The following NRG1 variants were observed in gnomAD, a reference collection of about 807,000 sequenced individuals.
The protein encoded by NRG1 is neuregulin 1, also known as pro-neuregulin-1, membrane-bound isoform.
A neutral mutation model predicts 63.8 loss-of-function variants in NRG1; 18 were observed. The ratio of observed to expected loss-of-function variants is 0.28; its 90% CI spans 0.19 to 0.42. The LOEUF is 0.42. Among genes scored for constraint, NRG1 ranks in the 10% least tolerant of loss-of-function variants. The pLI is 1.00. For synonymous variants in NRG1, 302 were observed against 301.3 expected (o/e 1.00, Z -0.02); for missense variants, 762 against 814.7 (o/e 0.94, Z 0.79).
rs576088548 is a variant in NRG1, at chr8:32,595,306, C to T, written c.101-522C>T. Among the ~76,000 whole-genome samples, 59 of 152,218 alleles carry T rather than the reference C, an allele frequency of 3.9e-4. 1 individual carries two copies. Among genetic ancestry groups the T allele is most frequent in the African/African-American group, 1.3e-3 (53 of 41,526 alleles). On this transcript the variant is annotated intron_variant, in intron 1 of 11. Transcript: ENST00000356819. ...CTGGGCTCAGGTGGTCCTTCCCCCT[C>T]AGCCTCCCAGGTAGCCGGGACTACA... is the stretch of plus-strand genomic sequence containing the variant.
downstream of NRG1, among the ~76,000 whole-genome samples, chr8:32,768,362 T>A (rs1391440378): frequency 6.6e-6 from 1 of 152,092 alleles, no homozygotes; most frequent in Non-Finnish European, 1.5e-5. Context: ...TAACGAAAAA[T>A]GCTCTCATGG....
intron 1 of NRG1, among the ~76,000 whole-genome samples, chr8:32,592,257 G>A (rs186905917): frequency 6.9e-4 from 105 of 152,112 alleles, no homozygotes; most frequent in East Asian, 2.5e-3. Flanking sequence ...ATTCCTTTGC[G>A]TAACCACAAC....
chr8:32,385,690 C>G (rs965365357), intron 1 of NRG1, among the ~76,000 whole-genome samples: 4 of 152,110 alleles, frequency 2.6e-5, no homozygotes, highest in African/African-American at 9.7e-5. Context: ...TTAAACCAGT[C>G]AAGAGAAACC....
chr8:31,873,856 C>T (rs1324294469), intron 1 of NRG1, among the ~76,000 whole-genome samples: 2 of 152,200 alleles, frequency 1.3e-5, no homozygotes, highest in African/African-American at 4.8e-5. Context: ...ATAGCACAGT[C>T]TACCTATGTT....
chr8:31,653,034 C>A (rs796081992), intron 1 of NRG1, among the ~76,000 whole-genome samples: 1 of 104,356 alleles, frequency 9.6e-6, no homozygotes, highest in Non-Finnish European at 2.0e-5. Context: ...CCTTCTCTCC[C>A]CTCCCCTCCT....
chr8:32,109,315 A>G (rs1195729795), intron 1 of NRG1, among the ~76,000 whole-genome samples: 3 of 152,166 alleles, frequency 2.0e-5, no homozygotes, highest in Admixed American at 1.3e-4. Context: ...AGCTCTGGGC[A>G]TGTTCACAGT....
At chr8:31,856,441 C>A (rs925427178) in intron 1 of NRG1, among the ~76,000 whole-genome samples, 1 of 152,152 alleles carries the variant, frequency 6.6e-6, no homozygotes, top group Non-Finnish European at 1.5e-5. Context: ...ACGTAGTTCT[C>A]GAGCCTTGGT....
At chr8:31,769,744 G>A (rs1818429927) in intron 1 of NRG1, among the ~76,000 whole-genome samples, 1 of 152,034 alleles carries the variant, frequency 6.6e-6, no homozygotes, top group Admixed American at 6.6e-5. Flanking sequence ...GCTGAGAGTG[G>A]GGATTATCAG....
chr8:32,238,514 C>T (rs1039749919), intron 1 of NRG1, among the ~76,000 whole-genome samples: 1 of 151,084 alleles, frequency 6.6e-6, no homozygotes, highest in Non-Finnish European at 1.5e-5. Context: ...CACCATATTA[C>T]AGAAGTATCA....
At chr8:31,807,287 C>G (rs1159909299) in intron 1 of NRG1, among the ~76,000 whole-genome samples, 1 of 152,080 alleles carries the variant, frequency 6.6e-6, no homozygotes, top group Non-Finnish European at 1.5e-5. Flanking sequence ...TGAATGTGAC[C>G]CTTATATGAA....
chr8:31,877,186 A>C (rs1185992439), intron 1 of NRG1, among the ~76,000 whole-genome samples: 1 of 152,214 alleles, frequency 6.6e-6, no homozygotes, highest in African/African-American at 2.4e-5. Flanking sequence ...ATAATTTCAA[A>C]GTTGATGGCC....
chr8:32,467,276 G>T (rs1424403491), intron 1 of NRG1, among the ~76,000 whole-genome samples: 2 of 152,096 alleles, frequency 1.3e-5, no homozygotes, highest in Non-Finnish European at 2.9e-5. Context: ...CAGTTATTTG[G>T]CAAAGTGATT....
chr8:32,517,780 G>A (rs1829974334), intron 1 of NRG1, among the ~76,000 whole-genome samples: 1 of 152,120 alleles, frequency 6.6e-6, no homozygotes, highest in African/African-American at 2.4e-5. Context: ...GGTCATTTGA[G>A]TGCTAAGACA....
At chr8:31,842,206 AC>A (rs1025856565) in intron 1 of NRG1, among the ~76,000 whole-genome samples, 5 of 152,172 alleles carry the variant, frequency 3.3e-5, no homozygotes, top group Admixed American at 2.0e-4. Flanking sequence ...GTTTTGGTTA[AC>A]CTGGTTTTTA....
At chr8:31,745,549 T>A (rs1397404624) in intron 1 of NRG1, among the ~76,000 whole-genome samples, 1 of 151,950 alleles carries the variant, frequency 6.6e-6, no homozygotes, top group Non-Finnish European at 1.5e-5. Context: ...CAAACTACTT[T>A]ATCCACCCCT....
intron 1 of NRG1, among the ~76,000 whole-genome samples, chr8:32,381,855 A>G (rs1217440963): frequency 1.3e-5 from 2 of 152,238 alleles, no homozygotes; most frequent in African/African-American, 4.8e-5. Flanking sequence ...TTATAACTGA[A>G]AGTTAGTATA....
chr8:32,644,801 C>CTT (rs5890675), intron 5 of NRG1, among the ~76,000 whole-genome samples: 78 of 144,270 alleles, frequency 5.4e-4, no homozygotes, highest in Non-Finnish European at 5.9e-4. Flanking sequence ...TGCCCAGTAA[C>CTT]TTTTTTTTTT....
At chr8:31,906,966 G>A (rs1296075173) in intron 1 of NRG1, among the ~76,000 whole-genome samples, 1 of 152,118 alleles carries the variant, frequency 6.6e-6, no homozygotes, top group African/African-American at 2.4e-5. Flanking sequence ...CTGCTCTTTA[G>A]GAGAGAAATC....
At chr8:32,349,167 T>A (rs1250817650) in intron 1 of NRG1, among the ~76,000 whole-genome samples, 2 of 152,154 alleles carry the variant, frequency 1.3e-5, no homozygotes, top group Non-Finnish European at 2.9e-5. Context: ...TTAGTGCATG[T>A]TCCTAGTTAT....
Sources: gnomAD v4.1 joint callset for allele counts (sites outside exome capture counted in the v4.1 genomes callset) on GRCh38, gnomAD v4.1.1 for gene constraint, MANE v1.5 for transcripts, NCBI Gene and HGNC (gene_info 2026-07-23, HGNC 2026-07-21) for gene names.